The following EPHB2 variants were observed in gnomAD, a reference collection of about 807,000 sequenced individuals.
EPHB2 encodes EPH receptor B2.
EPHB2 carries 18 observed loss-of-function variants against 96.4 expected under a neutral mutation model. That is an observed-to-expected ratio of 0.19 (90% confidence interval 0.13 to 0.28). The LOEUF (loss-of-function observed/expected upper bound fraction) is 0.28. Among genes scored for constraint, EPHB2 ranks in the 10% least tolerant of loss-of-function variants. EPHB2 has a pLI of 1.00. For synonymous variants in EPHB2, 506 were observed against 534.1 expected (o/e 0.95, Z 0.72); for missense variants, 989 against 1,355.4 (o/e 0.73, Z 4.25).
Position 22,908,104 on chromosome 1 carries a change from C to T in EPHB2, c.2288C>T (p.Ser763Leu), listed in dbSNP as rs1319090631. The T allele has an allele frequency of 6.2e-7, 1 of 1,614,110 alleles. No homozygotes were observed. The highest frequency in any genetic ancestry group is 8.5e-7 in the Non-Finnish European group (1 of 1,180,054). ...AACAGCAACCTGGTCTGCAAGGTGT[C>T]GGACTTTGGGCTCTCACGCTTTCTA... is the stretch of plus-strand genomic sequence containing the variant. ...LVNSNLVCKV[S>L]DFGLSRFLED... The change falls in exon 12 of 16, where the codon TCG (serine) becomes TTG (leucine). Residue 763 changes from serine to leucine, a missense_variant. Coordinates refer to ENST00000374630, the MANE Select transcript of EPHB2 (RefSeq NM_017449.5).
chr1:22,765,987 A>G (rs763402793), intron 1 of EPHB2, among the ~76,000 whole-genome samples: 4 of 152,152 alleles, frequency 2.6e-5, no homozygotes, highest in Non-Finnish European at 4.4e-5. Context: ...GATTCCTTAG[A>G]CATTCCCTGT....
chr1:22,820,538 C>T (rs527546417), intron 3 of EPHB2, among the ~76,000 whole-genome samples: 5 of 151,948 alleles, frequency 3.3e-5, no homozygotes, highest in Non-Finnish European at 5.9e-5. Context: ...TGGTGTGTGC[C>T]TATGGTCCCA....
At chr1:22,814,358 A>G (rs1645043303) in intron 3 of EPHB2, among the ~76,000 whole-genome samples, 1 of 152,146 alleles carries the variant, frequency 6.6e-6, no homozygotes, top group Non-Finnish European at 1.5e-5. Flanking sequence ...CAGGGTGATG[A>G]CTGCCCTAAT....
At chr1:22,750,278 A>G (rs954449572) in intron 1 of EPHB2, among the ~76,000 whole-genome samples, 23 of 152,294 alleles carry the variant, frequency 1.5e-4, no homozygotes, top group Non-Finnish European at 2.5e-4. Context: ...CTGGGGCAGT[A>G]GAAGGATTTT....
chr1:22,837,885 C>T (rs1276976068), intron 3 of EPHB2, among the ~76,000 whole-genome samples: 1 of 152,184 alleles, frequency 6.6e-6, no homozygotes, highest in African/African-American at 2.4e-5. Flanking sequence ...GCTGGTGCCC[C>T]ACTGCTTGGG....
At position 22,914,088 on chromosome 1, in the gene EPHB2, A is replaced by C; in HGVS notation, c.*518A>C. On this transcript the variant is annotated 3_prime_UTR_variant, in exon 16 of 16. Transcript: ENST00000374630. ...CCTGGAGGACGGGACAGATGGACAG[A>C]CAGCCACCCTGAGAACCCCTCTGGG... is the stretch of plus-strand genomic sequence containing the variant. 1 of 567,264 alleles carries C rather than the reference A, an allele frequency of 1.8e-6. No homozygotes were observed. Among genetic ancestry groups the C allele is most frequent in the Non-Finnish European group, 3.0e-6 (1 of 335,506 alleles). The allele number at this position is 567,264 out of a possible 1,614,324, so 35.1% of individuals were successfully genotyped here.
At chr1:22,880,680 T>G (rs1354404744) in intron 5 of EPHB2, among the ~76,000 whole-genome samples, 2 of 152,190 alleles carry the variant, frequency 1.3e-5, no homozygotes, top group African/African-American at 2.4e-5. Flanking sequence ...CTGTGTGATC[T>G]CAGGAAGCCG....
rs1299406439 is a variant in EPHB2, at chr1:22,919,233, A to T, written c.*5663A>T. ...GTCTGCTGTAGACAGGGATTAAGAA[A>T]AAGCAGGACATTTTCAGATAGGATG... On this transcript the variant is annotated 3_prime_UTR_variant, in exon 16 of 16. Coordinates refer to ENST00000374630, the MANE Select transcript of EPHB2 (RefSeq NM_017449.5). The T allele has an allele frequency of 6.6e-6, 1 of 152,296 alleles. No homozygotes were observed. Among genetic ancestry groups the T allele is most frequent in the African/African-American group, 2.4e-5 (1 of 41,444 alleles). 9.4% of individuals were successfully genotyped at this position (152,296 alleles called of 1,614,324 possible). A position where few individuals can be genotyped will look rare whatever the true frequency, so the allele number is the denominator to read the frequency against.
At chr1:22,833,241 C>A (rs1180022172) in intron 3 of EPHB2, among the ~76,000 whole-genome samples, 1 of 152,100 alleles carries the variant, frequency 6.6e-6, no homozygotes, top group Admixed American at 6.5e-5. Context: ...CCTTCAGCCT[C>A]CTGAGTAGCT....
chr1:22,790,686 A>G lies in EPHB2; in HGVS notation c.811+5610A>G, dbSNP rs1160145713. ...TGGGGACCTTGCTCTGTTCTCTCCC[A>G]GTGGCCAACCCGCATCTGCGAGGGA... On this transcript the variant is annotated intron_variant, in intron 3 of 15. Transcript: ENST00000374630. The surrounding 1 kb of genome is among the most constrained non-coding windows in gnomAD (Gnocchi z 4.0). 6.6e-6 allele frequency among the ~76,000 whole-genome samples: 1 copy of G among 152,174 alleles called. No individual in the cohort carries two copies.
chr1:22,739,845 T>A (rs1345694298), intron 1 of EPHB2, among the ~76,000 whole-genome samples: 1 of 152,090 alleles, frequency 6.6e-6, no homozygotes, highest in Non-Finnish European at 1.5e-5. Flanking sequence ...GTTCTCGGAT[T>A]TGATGAGTGA....
In EPHB2 at chr1:22,912,472, A is replaced by G; in HGVS notation, c.2725A>G (p.Ile909Val). Residue 909 changes from isoleucine (I) to valine (V), a missense_variant, in exon 15 of 16, where the codon ATC (isoleucine) becomes GTC (valine). Transcript: ENST00000374630. ...CAACCTGCCGCTGCTGGACCGCACG[A>G]TCCCCGACTACACCAGCTTTAACAC... The part of the protein sequence containing the change: ...GINLPLLDRT[I>V]PDYTSFNTVD... 6.2e-7 allele frequency: 1 copy of G among 1,614,052 alleles called. No individual in the cohort carries two copies. The highest frequency in any genetic ancestry group is 8.5e-7 in the Non-Finnish European group (1 of 1,180,018).
chr1:22,788,812 T>C (rs1361674824), intron 3 of EPHB2, among the ~76,000 whole-genome samples: 1 of 149,638 alleles, frequency 6.7e-6, no homozygotes, highest in Middle Eastern at 3.5e-3. Context: ...TGGAGCGTAG[T>C]GGTGCAGTCT....
At chr1:22,802,644 C>T (rs540362220) in intron 3 of EPHB2, among the ~76,000 whole-genome samples, 1 of 152,192 alleles carries the variant, frequency 6.6e-6, no homozygotes, top group Admixed American at 6.5e-5. Flanking sequence ...ATCCCCCTGT[C>T]CACCCGCACC....
intron 9 of EPHB2, among the ~76,000 whole-genome samples, chr1:22,902,754 G>A (rs1639790618): frequency 6.6e-6 from 1 of 152,134 alleles, no homozygotes; most frequent in African/African-American, 2.4e-5. Flanking sequence ...AGTGTCAGGG[G>A]GCTGTGGGCA....
At chr1:22,819,277 C>T (rs138202172) in intron 3 of EPHB2, among the ~76,000 whole-genome samples, 15 of 138,528 alleles carry the variant, frequency 1.1e-4, no homozygotes, top group Middle Eastern at 8.1e-3. Flanking sequence ...TTTCATTCTG[C>T]CTTGAAACTC....
At chr1:22,855,056 A>C (rs551335426) in intron 3 of EPHB2, among the ~76,000 whole-genome samples, 111 of 152,358 alleles carry the variant, frequency 7.3e-4, no homozygotes, top group African/African-American at 2.6e-3. Context: ...AGCCACCCAC[A>C]GCTGGAGTCC....
intron 12 of EPHB2, among the ~76,000 whole-genome samples, chr1:22,908,394 C>G (rs1434995272): frequency 1.3e-5 from 2 of 152,248 alleles, no homozygotes; most frequent in Non-Finnish European, 2.9e-5. Context: ...TAAGCCAGGA[C>G]AGCCAGCCTT....
In EPHB2 at chr1:22,896,426, G is replaced by C; in HGVS notation, c.1713G>C (p.Glu571Asp). 6.2e-7 allele frequency: 1 copy of C among 1,614,174 alleles called. No homozygotes were observed. The highest frequency in any genetic ancestry group is 8.5e-7 in the Non-Finnish European group (1 of 1,180,024). ...CTTGTTCCAGAAGACGGGGGTTTGA[G>C]CGTGCTGACTCGGAGTACACGGACA... ...IAIVCNRRGF[E>D]RADSEYTDKL... Residue 571 changes from glutamate to aspartate, a missense_variant, in exon 9 of 16, where the codon GAG (glutamate) becomes GAC (aspartate). Glu to Asp is a conservative substitution (Grantham distance 45). Transcript: ENST00000374630.
Sources: allele counts gnomAD v4.1 joint callset (sites outside exome capture counted in the v4.1 genomes callset), GRCh38; gene constraint gnomAD v4.1.1; non-coding constraint Gnocchi (gnomAD v3.1); transcripts MANE v1.5; gene names NCBI Gene and HGNC (gene_info 2026-07-23, HGNC 2026-07-21).